UBXN4: variants seen among roughly 807,000 people sequenced by gnomAD.
The protein encoded by UBXN4 is UBX domain protein 4.
UBXN4 carries 35 observed loss-of-function variants against 66.2 expected under a neutral mutation model. The observed-to-expected ratio is 0.53, with a 90% confidence interval of 0.40 to 0.70. The LOEUF (loss-of-function observed/expected upper bound fraction) is 0.70, where lower values mean the gene tolerates loss of function less well. Ranked by LOEUF, UBXN4 falls within the 30% of genes least tolerant of loss-of-function variation. The pLI is 0.00. For synonymous variants in UBXN4, 203 were observed against 204.5 expected (o/e 0.99, Z 0.06); for missense variants, 533 against 599.8 (o/e 0.89, Z 1.16).
intron 2 of UBXN4, among the ~76,000 whole-genome samples, chr2:135,748,883 A>G (rs893984905): frequency 1.3e-5 from 2 of 151,640 alleles, no homozygotes; most frequent in African/African-American, 4.8e-5. Flanking sequence ...AAAAAATACA[A>G]AAATTAGCCG....
At chr2:135,762,527 T>C (rs2077321706) in intron 6 of UBXN4, among the ~76,000 whole-genome samples, 1 of 152,222 alleles carries the variant, frequency 6.6e-6, no homozygotes, top group Admixed American at 6.5e-5. Flanking sequence ...TTAAAAATTT[T>C]TTTAAAAAAA....
chr2:135,747,578 T>C, intron 1 of UBXN4: 1 of 456,432 alleles, frequency 2.2e-6, no homozygotes, highest in Non-Finnish European at 4.4e-6. Context: ...ATAAATGCTG[T>C]GGAGTGGAGA....
Position 135,784,226 on chromosome 2 carries a change from T to A in UBXN4, c.*1339T>A, listed in dbSNP as rs2077470282. 6.6e-6 allele frequency: 1 copy of A among 152,218 alleles called. No homozygotes were observed. Among genetic ancestry groups the A allele is most frequent in the Non-Finnish European group, 1.5e-5 (1 of 68,026 alleles). The allele number at this position is 152,218 out of a possible 1,614,324, so 9.4% of individuals were successfully genotyped here. A position where few individuals can be genotyped will look rare whatever the true frequency, so the allele number is the denominator to read the frequency against. On this transcript the variant is annotated 3_prime_UTR_variant, in exon 13 of 13. Coordinates refer to ENST00000272638, the MANE Select transcript of UBXN4 (RefSeq NM_014607.4). Reference sequence around the variant, plus strand: ...TGCAGACAATGTTTAGGTAAAGACATACTCATTAAGTGTTATTTATTTTAC... The same window carrying A: ...TGCAGACAATGTTTAGGTAAAGACAAACTCATTAAGTGTTATTTATTTTAC...
rs2077319719 is a variant in UBXN4, at chr2:135,762,177, A to G, written c.602+266A>G. Among the ~76,000 whole-genome samples, 5 of 152,224 alleles carry G rather than the reference A, an allele frequency of 3.3e-5. No homozygotes were observed. In the South Asian group the frequency reaches 6.2e-4, roughly 19 times the overall value. On this transcript the variant is annotated intron_variant, in intron 6 of 12. Coordinates refer to ENST00000272638, the MANE Select transcript of UBXN4 (RefSeq NM_014607.4). ...GGTATTTTGGTACATGGGTGTTTCC[A>G]TCTGTCACTTCTGCTTTTATCTCTA...
intron 5 of UBXN4, among the ~76,000 whole-genome samples, chr2:135,758,738 A>T (rs6710808): frequency 0.089 from 13,566 of 152,090 alleles, 952 homozygotes; most frequent in South Asian, 0.23. Flanking sequence ...ATCTTTTAAG[A>T]TTATATATAG....
intron 4 of UBXN4, among the ~76,000 whole-genome samples, chr2:135,755,309 A>C (rs1024068632): frequency 6.6e-6 from 1 of 152,180 alleles, no homozygotes; most frequent in Admixed American, 6.6e-5. Flanking sequence ...TGCTTTAACA[A>C]ATGTTTTTAT....
chr2:135,747,033 T>C (rs1290122828), intron 1 of UBXN4, among the ~76,000 whole-genome samples: 1 of 152,150 alleles, frequency 6.6e-6, no homozygotes, highest in African/African-American at 2.4e-5. Flanking sequence ...TCTTGATTTA[T>C]TTTGGAGCTG....
chr2:135,762,401 T>C (rs1318337244), intron 6 of UBXN4, among the ~76,000 whole-genome samples: 1 of 152,206 alleles, frequency 6.6e-6, no homozygotes, highest in African/African-American at 2.4e-5. Context: ...TCATAGTCTT[T>C]TATGCTGTGA....
At chr2:135,753,185 A>G (rs765817361) in intron 2 of UBXN4, among the ~76,000 whole-genome samples, 1 of 151,602 alleles carries the variant, frequency 6.6e-6, no homozygotes, top group African/African-American at 2.4e-5. Flanking sequence ...CACAATGCCC[A>G]GCTAATTTTT....
chr2:135,772,609 C>T, intron 9 of UBXN4, 62 bp downstream of exon 9: 1 of 1,597,370 alleles, frequency 6.3e-7, no homozygotes, highest in Non-Finnish European at 8.5e-7. Flanking sequence ...TGATTATAAG[C>T]TGGTTTTTAA....
At chr2:135,774,396 A>G (rs538820724) in intron 9 of UBXN4, among the ~76,000 whole-genome samples, 2 of 152,354 alleles carry the variant, frequency 1.3e-5, no homozygotes, top group African/African-American at 4.8e-5. Context: ...TAAAATATAT[A>G]TTCTTAGAGG....
Position 135,760,122 on chromosome 2 carries a change from C to T in UBXN4, c.509-1696C>T, listed in dbSNP as rs371754213. Among the ~76,000 whole-genome samples the T allele has an allele frequency of 5.3e-5, 8 of 152,178 alleles. No individual in the cohort carries two copies. The South Asian group carries it at 1.7e-3, about 32-fold the overall frequency. ...AAATATGAGTGTTAATAAGCTATTT[C>T]ACACAATTTTGGGTCACCCATAAAG... On this transcript the variant is annotated intron_variant, in intron 5 of 12. Coordinates refer to ENST00000272638, the MANE Select transcript of UBXN4 (RefSeq NM_014607.4).
At chr2:135,760,845 G>C (rs1402618675) in intron 5 of UBXN4, among the ~76,000 whole-genome samples, 1 of 152,146 alleles carries the variant, frequency 6.6e-6, no homozygotes, top group African/African-American at 2.4e-5. Flanking sequence ...AATTTCCCAG[G>C]TGTAAATACT....
In UBXN4 at chr2:135,780,405, C is replaced by G. The variant is rs1392295223; in HGVS notation, c.1388+20C>G. Reference sequence around the variant, plus strand: ...AAAAAGGTATCTGTGTGTGTTTTCCCCATTTATAAAATATGTAAGTCATGC... The same window carrying G: ...AAAAAGGTATCTGTGTGTGTTTTCCGCATTTATAAAATATGTAAGTCATGC... On this transcript the variant is annotated intron_variant, in intron 12 of 12. Transcript: ENST00000272638. The G allele has an allele frequency of 6.2e-7, 1 of 1,608,708 alleles. No homozygotes were observed. Among genetic ancestry groups the G allele is most frequent in the Non-Finnish European group, 8.5e-7 (1 of 1,175,310 alleles).
chr2:135,778,174 C>CAAAAAAAAA (rs570595581), intron 10 of UBXN4, among the ~76,000 whole-genome samples: 1 of 72,400 alleles, frequency 1.4e-5, no homozygotes, highest in African/African-American at 4.4e-5. Context: ...AAGACTGTCT[C>CAAAAAAAAA]AAAAAAAAAA....
At chr2:135,776,207 T>C in intron 9 of UBXN4, 42 bp from the exon 10 acceptor site, 1 of 1,486,794 alleles carries the variant, frequency 6.7e-7, no homozygotes, top group Non-Finnish European at 9.4e-7. Flanking sequence ...TTAGAGAATA[T>C]ATAGAGGTGA....
Position 135,774,233 on chromosome 2 carries a change from G to C in UBXN4, c.950+1686G>C, listed in dbSNP as rs189021613. On this transcript the variant is annotated intron_variant, in intron 9 of 12. Coordinates refer to ENST00000272638, the MANE Select transcript of UBXN4 (RefSeq NM_014607.4). ...TTTATGAACTGTTTATTTTTGAAAA[G>C]GGTACCAAGACTATTCAGTGGGAAA... 1.6e-3 allele frequency among the ~76,000 whole-genome samples: 239 copies of C among 152,218 alleles called. 1 individual carries two copies. Among genetic ancestry groups the C allele is most frequent in the African/African-American group, 5.6e-3 (234 of 41,546 alleles).
Position 135,772,497 on chromosome 2 carries a change from AAAAC to A in UBXN4, c.902_905del (p.Lys301ArgfsTer41). On this transcript the variant is annotated frameshift_variant, in exon 9 of 13. Coordinates refer to ENST00000272638, the MANE Select transcript of UBXN4 (RefSeq NM_014607.4). LOFTEE classifies it high-confidence loss of function. ...CTGCCAAAGCTGCTGCCTTGCTAGC[AAAAC>A]AGGCAGAAATGGAAGTCAAGAGGGA... is the stretch of plus-strand genomic sequence containing the variant. 1 of 1,614,106 alleles carries A rather than the reference AAAAC, an allele frequency of 6.2e-7. No homozygotes were observed. Among genetic ancestry groups the A allele is most frequent in the Non-Finnish European group, 8.5e-7 (1 of 1,179,934 alleles).
rs1478622657 is a variant in UBXN4 at position 135,755,653 on chromosome 2, T to C, written c.470T>C (p.Ile157Thr). ...SQSRNAELCEIPPTSDTKSDT... is the reference protein window; with the variant it reads ...SQSRNAELCETPPTSDTKSDT... The stretch of plus-strand genomic sequence containing the variant: ...TCCAGAAATGCAGAGCTTTGTGAGA[T>C]ACCACCCACTTCTGATACAAAGTCA... Residue 157 changes from isoleucine to threonine, a missense_variant, in exon 5 of 13, where the codon ATA becomes ACA. By Grantham distance (89) the Ile-to-Thr change is moderately conservative (BLOSUM62 -1). Transcript: ENST00000272638. 10 of 1,590,706 alleles carry C rather than the reference T, an allele frequency of 6.3e-6. No individual in the cohort carries two copies. The highest frequency in any genetic ancestry group is 8.6e-6 in the Non-Finnish European group (10 of 1,168,186).
Sources: allele counts gnomAD v4.1 joint callset (sites outside exome capture counted in the v4.1 genomes callset), GRCh38; gene constraint gnomAD v4.1.1; transcripts MANE v1.5; gene names NCBI Gene and HGNC (gene_info 2026-07-23, HGNC 2026-07-21).